ATP9B: variants seen among roughly 807,000 people sequenced by gnomAD.
ATP9B encodes ATPase phospholipid transporting 9B.
In ATP9B, 110 loss-of-function variants were observed where a neutral mutation model predicts 146.1. That is an observed-to-expected ratio of 0.75 (90% CI 0.65 to 0.88). ATP9B has a LOEUF of 0.88. Among genes scored for constraint, ATP9B ranks in the 40% least tolerant of loss-of-function variants. The probability of loss-of-function intolerance (pLI) is 0.00; values close to 1 mark genes in which losing one functional copy is unlikely to be tolerated. For missense variants in ATP9B, 1,499 were observed against 1,496.4 expected, an observed-to-expected ratio of 1.00 and a Z score of -0.03; for synonymous variants, 604 against 569.7, an observed-to-expected ratio of 1.06 and a Z score of -0.86.
intron 16 of ATP9B, among the ~76,000 whole-genome samples, 155 bp downstream of exon 16, chr18:79,329,457 T>A (rs1278184206): frequency 6.6e-6 from 1 of 151,850 alleles, no homozygotes; most frequent in Non-Finnish European, 1.5e-5. Flanking sequence ...AAATCTAAGC[T>A]AATAATCTAT....
chr18:79,183,103 G>GT (rs537118648), intron 8 of ATP9B, among the ~76,000 whole-genome samples: 1 of 152,198 alleles, frequency 6.6e-6, no homozygotes, highest in African/African-American at 2.4e-5. Flanking sequence ...GTATATTACT[G>GT]TTTTTACTAG....
chr18:79,297,854 A>G (rs776348277), intron 13 of ATP9B, among the ~76,000 whole-genome samples: 1 of 130,980 alleles, frequency 7.6e-6, no homozygotes, highest in Non-Finnish European at 1.7e-5. Context: ...AATGACCTTA[A>G]CAGAACAGCC....
chr18:79,293,799 A>G (rs2096528294), intron 13 of ATP9B, among the ~76,000 whole-genome samples: 1 of 152,234 alleles, frequency 6.6e-6, no homozygotes, highest in South Asian at 2.1e-4. Flanking sequence ...ACATAACTCA[A>G]AAGGAAAAAT....
intron 1 of ATP9B, among the ~76,000 whole-genome samples, chr18:79,077,703 C>T (rs1189452913): frequency 2.6e-5 from 4 of 152,154 alleles, no homozygotes; most frequent in African/African-American, 9.7e-5. Context: ...GACCAGTTTC[C>T]TCAAAAACAA....
chr18:79,162,921 C>A lies in ATP9B; in HGVS notation c.778+8366C>A, dbSNP rs542727933. 2.3e-3 allele frequency among the ~76,000 whole-genome samples: 353 copies of A among 152,312 alleles called. 5 individuals are homozygous for A. Among genetic ancestry groups the A allele is most frequent in the Non-Finnish European group, 2.3e-3 (156 of 68,034 alleles). On this transcript the variant is annotated intron_variant, in intron 7 of 29. Coordinates refer to ENST00000426216, the MANE Select transcript of ATP9B (RefSeq NM_198531.5). ...CAGTTTCTTCAGCACACTTGATGCA[C>A]CCTCCTATGTGACACATACACGAGT...
At chr18:79,294,244 A>G (rs535431655) in intron 13 of ATP9B, among the ~76,000 whole-genome samples, 5 of 152,366 alleles carry the variant, frequency 3.3e-5, no homozygotes, top group African/African-American at 1.2e-4. Flanking sequence ...CCAGAAAAAG[A>G]TGTCCCAAAG....
chr18:79,357,416 T>C (rs373263878), intron 25 of ATP9B, among the ~76,000 whole-genome samples: 16 of 25,718 alleles, frequency 6.2e-4, no homozygotes, highest in East Asian at 4.6e-3. Context: ...TGGAGGTGTC[T>C]GTGTGAGGGA....
intron 25 of ATP9B, among the ~76,000 whole-genome samples, chr18:79,350,625 T>C (rs929003516): frequency 2.0e-5 from 3 of 152,242 alleles, no homozygotes; most frequent in Non-Finnish European, 4.4e-5. Context: ...TTTGTGCTAA[T>C]ATTCTCAGCT....
At chr18:79,175,773 C>T (rs1480626806) in intron 7 of ATP9B, among the ~76,000 whole-genome samples, 1 of 147,142 alleles carries the variant, frequency 6.8e-6, no homozygotes, top group Non-Finnish European at 1.5e-5. Context: ...CATGCATGTG[C>T]ACACACAGAT....
intron 7 of ATP9B, among the ~76,000 whole-genome samples, chr18:79,163,940 A>C (rs1414467626): frequency 6.6e-6 from 1 of 152,048 alleles, no homozygotes; most frequent in Non-Finnish European, 1.5e-5. Context: ...AGACAGAGAC[A>C]GAAAAGGTCT....
intron 7 of ATP9B, among the ~76,000 whole-genome samples, chr18:79,170,005 A>T (rs1333017489): frequency 1.3e-5 from 2 of 152,248 alleles, no homozygotes; most frequent in Non-Finnish European, 2.9e-5. Context: ...CATTACTGTT[A>T]CTGTGTAAGA....
chr18:79,189,855 C>CT (rs2095346149), intron 8 of ATP9B, among the ~76,000 whole-genome samples: 1 of 152,176 alleles, frequency 6.6e-6, no homozygotes, highest in Admixed American at 6.5e-5. Context: ...AGAAGCACTT[C>CT]TTATTGGTCC....
intron 12 of ATP9B, among the ~76,000 whole-genome samples, chr18:79,260,297 C>G (rs985756290): frequency 6.6e-6 from 1 of 152,068 alleles, no homozygotes; most frequent in African/African-American, 2.4e-5. Flanking sequence ...AGGAACCATC[C>G]CACACTCATC....
intron 13 of ATP9B, among the ~76,000 whole-genome samples, chr18:79,285,638 A>G (rs1287239429): frequency 2.6e-5 from 4 of 151,922 alleles, no homozygotes; most frequent in Non-Finnish European, 5.9e-5. Flanking sequence ...CCCATTTGTC[A>G]ATTTTGGCTT....
At chr18:79,294,710 G>C (rs553199884) in intron 13 of ATP9B, among the ~76,000 whole-genome samples, 4 of 152,310 alleles carry the variant, frequency 2.6e-5, no homozygotes, top group Admixed American at 1.3e-4. Flanking sequence ...TATTGTGGCT[G>C]TCTGGTGTGC....
chr18:79,134,376 C>T (rs1442888539), intron 5 of ATP9B, among the ~76,000 whole-genome samples: 1 of 152,200 alleles, frequency 6.6e-6, no homozygotes, highest in East Asian at 1.9e-4. Flanking sequence ...CCTGTACCTC[C>T]CTGTGGGGAG....
intron 15 of ATP9B, among the ~76,000 whole-genome samples, chr18:79,322,233 C>G (rs2146916205): frequency 6.6e-6 from 1 of 152,320 alleles, no homozygotes; most frequent in African/African-American, 2.4e-5. Flanking sequence ...AGTTCTAATT[C>G]AAGCCCCGTG....
At chr18:79,070,861 A>G (rs1474008087) in intron 1 of ATP9B, among the ~76,000 whole-genome samples, 1 of 151,070 alleles carries the variant, frequency 6.6e-6, no homozygotes, top group Non-Finnish European at 1.5e-5. Flanking sequence ...TTAGCTTTCA[A>G]CTTACCTATG....
Position 79,374,001 on chromosome 18 carries a change from GGCGCTGACCGTCC to G in ATP9B, c.3177_3189del (p.Leu1060ArgfsTer5). Reference sequence around the variant, plus strand: ...TGATCCTGACCGAGCTGCTGATGGTGGCGCTGACCGTCCGCACGTGGCACTGGCTGATGGTGGT... The same window carrying G: ...TGATCCTGACCGAGCTGCTGATGGTGGCACGTGGCACTGGCTGATGGTGGT... On this transcript the variant is annotated frameshift_variant, in exon 28 of 30. Coordinates refer to ENST00000426216, the MANE Select transcript of ATP9B (RefSeq NM_198531.5). LOFTEE classifies it high-confidence loss of function. 1 of 1,614,148 alleles carries G rather than the reference GGCGCTGACCGTCC, an allele frequency of 6.2e-7. No individual in the cohort carries two copies.
Sources: allele counts gnomAD v4.1 joint callset (sites outside exome capture counted in the v4.1 genomes callset), GRCh38; gene constraint gnomAD v4.1.1; transcripts MANE v1.5; gene names NCBI Gene and HGNC (gene_info 2026-07-23, HGNC 2026-07-21).